The following TMEM63B variants were observed in gnomAD, a reference collection of about 807,000 sequenced individuals.
TMEM63B encodes the protein transmembrane protein 63B.
TMEM63B carries 23 observed loss-of-function variants against 102.6 expected under a neutral mutation model. The ratio of observed to expected loss-of-function variants is 0.22; its 90% CI spans 0.16 to 0.32. The LOEUF (loss-of-function observed/expected upper bound fraction) is 0.32. Ranked by LOEUF, TMEM63B falls within the 10% of genes least tolerant of loss-of-function variation. TMEM63B has a pLI of 1.00. For synonymous variants in TMEM63B, 444 were observed against 437.0 expected (o/e 1.02, Z -0.20); for missense variants, 628 against 1,095.9 (o/e 0.57, Z 6.03).
At chr6:44,135,303 A>T (rs201919443) in intron 3 of TMEM63B, 25 bp from the exon 4 acceptor site, 1 of 1,610,410 alleles carries the variant, frequency 6.2e-7, no homozygotes, top group South Asian at 1.1e-5. Flanking sequence ...CGCCCCTGCT[A>T]ACCCTGTCTG....
chr6:44,146,270 C>G (rs569836944), intron 10 of TMEM63B, among the ~76,000 whole-genome samples: 10 of 152,196 alleles, frequency 6.6e-5, no homozygotes, highest in African/African-American at 2.4e-4. Context: ...TCCCTACCTG[C>G]ATGCAGTATG....
At chr6:44,127,266 G>T (rs1036645024), upstream of TMEM63B, 12 of 140,024 alleles carry the variant, frequency 8.6e-5, no homozygotes, top group African/African-American at 2.8e-4. Context: ...CCGGGGAGTG[G>T]GCCTCCCCTA....
chr6:44,146,783 G>T, intron 10 of TMEM63B, 64 bp from the exon 11 acceptor site: 1 of 1,513,744 alleles, frequency 6.6e-7, no homozygotes, highest in Non-Finnish European at 9.2e-7. Flanking sequence ...ATGGGGTCAT[G>T]GATGAAAGTC....
At position 44,153,863 on chromosome 6, in the gene TMEM63B, G is replaced by A. The variant is rs1441910317; in HGVS notation, c.2110+20G>A. 6.2e-7 allele frequency: 1 copy of A among 1,608,190 alleles called. No individual in the cohort carries two copies. The highest frequency in any genetic ancestry group is 1.7e-5 in the Admixed American group (1 of 59,686). On this transcript the variant is annotated intron_variant, in intron 21 of 23. Coordinates refer to ENST00000323267, the MANE Select transcript of TMEM63B (RefSeq NM_018426.3). ...GCACGGGTGAGGGATCCCTACCCAG[G>A]GAACGGGGGGTGGCGAGCAGAGTGG... is the stretch of plus-strand genomic sequence containing the variant.
intron 1 of TMEM63B, chr6:44,132,241 A>G: frequency 1.0e-6 from 1 of 984,966 alleles, no homozygotes; most frequent in East Asian, 1.1e-4. Flanking sequence ...GCTGTTGTGG[A>G]GGGGAGAGTA....
chr6:44,137,582 G>T (rs531611597), intron 5 of TMEM63B, among the ~76,000 whole-genome samples: 1 of 152,216 alleles, frequency 6.6e-6, no homozygotes, highest in East Asian at 1.9e-4. Context: ...CCTGTGTTAT[G>T]TCTGGACCTT....
In TMEM63B at chr6:44,152,518, C is replaced by G; in HGVS notation, c.1837-75C>G. Reference sequence around the variant, plus strand: ...CGGCCCCAGAGGTCCTGGCTCCCTTCCCCCTCCCTCCTTCCCTGCCCCTCT... The same window carrying G: ...CGGCCCCAGAGGTCCTGGCTCCCTTGCCCCTCCCTCCTTCCCTGCCCCTCT... On this transcript the variant is annotated intron_variant, in intron 19 of 23. Transcript: ENST00000323267. The surrounding 1 kb of genome is among the most constrained non-coding windows in gnomAD (Gnocchi z 6.4). The G allele has an allele frequency of 9.8e-6, 9 of 913,988 alleles. No individual in the cohort carries two copies. Among genetic ancestry groups the G allele is most frequent in the Non-Finnish European group, 1.6e-5 (9 of 565,410 alleles). The allele number at this position is 913,988 out of a possible 1,614,324, so 56.6% of individuals were successfully genotyped here. A position where few individuals can be genotyped will look rare whatever the true frequency, so the allele number is the denominator to read the frequency against.
In TMEM63B at chr6:44,148,742, G is replaced by A; in HGVS notation, c.1260-50G>A. The A allele has an allele frequency of 3.7e-6, 6 of 1,611,856 alleles. No individual in the cohort carries two copies. Among genetic ancestry groups the A allele is most frequent in the Non-Finnish European group, 5.1e-6 (6 of 1,178,182 alleles). ...GAGGGAGTGTCTTGGTGTCACTGGG[G>A]GCCAATCCTGCCCTTGGTTCCTGGA... On this transcript the variant is annotated intron_variant, in intron 14 of 23. Transcript: ENST00000323267. The surrounding 1 kb of genome is among the most constrained non-coding windows in gnomAD (Gnocchi z 5.1).
rs114708946 is a variant in TMEM63B at position 44,143,107 on chromosome 6, G to A, written c.782+2009G>A. On this transcript the variant is annotated intron_variant, in intron 10 of 23. Transcript: ENST00000323267. ...ACTCATTGTCCTGGGTCAGGCCAGT[G>A]TGTGATCCAATCAGAGATAGTGTTT... 6.6e-3 allele frequency among the ~76,000 whole-genome samples: 1,000 copies of A among 152,362 alleles called. 12 individuals carry two copies. Among genetic ancestry groups the A allele is most frequent in the Non-Finnish European group, 6.1e-3 (417 of 68,030 alleles).
chr6:44,152,540 CT>C lies in TMEM63B; in HGVS notation c.1837-52del. 1 of 1,413,754 alleles carries C rather than the reference CT, an allele frequency of 7.1e-7. No individual in the cohort carries two copies. 87.6% of individuals were successfully genotyped at this position (1,413,754 alleles called of 1,614,324 possible). ...CTTCCCCCTCCCTCCTTCCCTGCCCCTCTGGTCAGTCCCTGCCTCCCTGAGC... is the reference window on the plus strand; with the variant it reads ...CTTCCCCCTCCCTCCTTCCCTGCCCCCTGGTCAGTCCCTGCCTCCCTGAGC... On this transcript the variant is annotated intron_variant, in intron 19 of 23. Transcript: ENST00000323267. The surrounding 1 kb of genome is among the most constrained non-coding windows in gnomAD (Gnocchi z 6.4).
chr6:44,150,268 T>C lies in TMEM63B; in HGVS notation c.1565T>C (p.Leu522Pro). The change falls in exon 17 of 24, where the codon CTC becomes CCC. Residue 522 changes from leucine (L) to proline (P), a missense_variant. Around this residue, in one of 6 missense-constraint regions of TMEM63B, gnomAD observed 61 missense variants for 176.0 expected, o/e 0.35. Transcript: ENST00000323267. The surrounding 1 kb of genome is among the most constrained non-coding windows in gnomAD (Gnocchi z 4.7). ...RTTMHKCYTF[L>P]IFMVLLLPSL... is the part of the protein sequence containing the mutation. Reference sequence around the variant, plus strand: ...ACCATGCACAAGTGCTACACTTTCCTCATCTTCATGGTGCTGCTCCTACCC... The same window carrying C: ...ACCATGCACAAGTGCTACACTTTCCCCATCTTCATGGTGCTGCTCCTACCC... The C allele has an allele frequency of 6.2e-7, 1 of 1,614,092 alleles. No homozygotes were observed. The highest frequency in any genetic ancestry group is 8.5e-7 in the Non-Finnish European group (1 of 1,180,014).
chr6:44,148,657 A>T lies in TMEM63B; in HGVS notation c.1259+7A>T, dbSNP rs1196959014. On this transcript the variant is annotated splice_region_variant and intron_variant, in intron 14 of 23. Coordinates refer to ENST00000323267, the MANE Select transcript of TMEM63B (RefSeq NM_018426.3). The surrounding 1 kb of genome is among the most constrained non-coding windows in gnomAD (Gnocchi z 5.1). ...ACCCTCAGAACATCTACTGGTGAGC[A>T]AACAGGTGTCAGGGCAGGCTTTCCA... 1.2e-6 allele frequency: 2 copies of T among 1,613,548 alleles called. No homozygotes were observed. Among genetic ancestry groups the T allele is most frequent in the Non-Finnish European group, 1.7e-6 (2 of 1,179,650 alleles).
At chr6:44,149,246 G>T in intron 15 of TMEM63B, 2 of 472,240 alleles carry the variant, frequency 4.2e-6, no homozygotes, top group Non-Finnish European at 7.8e-6. Context: ...CTGAAAAAAT[G>T]GAAAGGTTCA....
In TMEM63B at chr6:44,150,498, C is replaced by T; in HGVS notation, c.1608-66C>T. 1 of 1,563,012 alleles carries T rather than the reference C, an allele frequency of 6.4e-7. No homozygotes were observed. Among genetic ancestry groups the T allele is most frequent in the Non-Finnish European group, 8.8e-7 (1 of 1,134,454 alleles). On this transcript the variant is annotated intron_variant, in intron 17 of 23. Transcript: ENST00000323267. This position sits in a 1 kb window ranked among gnomAD's most constrained non-coding sequence, Gnocchi z 4.7. Reference sequence around the variant, plus strand: ...TCCCCAGTGGCTCACAGAGGAGGGACTTCCCCTCCCCTGGTGTTCTGTACC... The same window carrying T: ...TCCCCAGTGGCTCACAGAGGAGGGATTTCCCCTCCCCTGGTGTTCTGTACC...
At chr6:44,137,443 C>T (rs1763189352) in intron 5 of TMEM63B, among the ~76,000 whole-genome samples, 1 of 152,166 alleles carries the variant, frequency 6.6e-6, no homozygotes, top group African/African-American at 2.4e-5. Flanking sequence ...GAGTTGGACT[C>T]ATACTGGTAG....
chr6:44,138,467 T>G lies in TMEM63B; in HGVS notation c.370-13T>G. ...GGCTGGGGACTCCCGCTGACAGCCC[T>G]CTGTTCCCCCAGGGTTTCTGTTCCT... On this transcript the variant is annotated splice_polypyrimidine_tract_variant and intron_variant, in intron 5 of 23. Coordinates refer to ENST00000323267, the MANE Select transcript of TMEM63B (RefSeq NM_018426.3). 1 of 1,614,036 alleles carries G rather than the reference T, an allele frequency of 6.2e-7. No homozygotes were observed.
intron 7 of TMEM63B, 22 bp downstream of exon 7, chr6:44,139,631 T>C: frequency 4.3e-6 from 7 of 1,614,134 alleles, no homozygotes; most frequent in Non-Finnish European, 5.9e-6. Context: ...CCAGGACGGC[T>C]AGGGTGGAGA....
rs1183404923 is a variant in TMEM63B at position 44,154,969 on chromosome 6, C to T, written c.*86C>T. 7.9e-7 allele frequency: 1 copy of T among 1,258,942 alleles called. No homozygotes were observed. Among genetic ancestry groups the T allele is most frequent in the East Asian group, 2.7e-5 (1 of 36,408 alleles). 78.0% of individuals were successfully genotyped at this position (1,258,942 alleles called of 1,614,324 possible). ...CTAAAACGCTAATAATTTATTAGAT[C>T]TAAAGCCCCTTCCTCCCCAGCCCCT... On this transcript the variant is annotated 3_prime_UTR_variant, in exon 24 of 24. Transcript: ENST00000323267.
intron 1 of TMEM63B, among the ~76,000 whole-genome samples, chr6:44,134,204 C>T (rs569692692): frequency 6.6e-6 from 1 of 152,164 alleles, no homozygotes; most frequent in Non-Finnish European, 1.5e-5. Context: ...CAGCTCCGCC[C>T]CCTGCCCTAA....
Sources: allele counts gnomAD v4.1 joint callset (sites outside exome capture counted in the v4.1 genomes callset), GRCh38; gene constraint gnomAD v4.1.1; regional missense constraint gnomAD v4.1.1; non-coding constraint Gnocchi (gnomAD v3.1); transcripts MANE v1.5; gene names NCBI Gene and HGNC (gene_info 2026-07-23, HGNC 2026-07-21).